KCNQ3: variants seen among roughly 807,000 people sequenced by gnomAD.
KCNQ3 encodes potassium voltage-gated channel subfamily KQT member 3.
Under a neutral mutation model 92.5 loss-of-function variants are expected in KCNQ3, and 30 were observed. The observed-to-expected ratio is 0.32, with a 90% CI of 0.24 to 0.44. The LOEUF (loss-of-function observed/expected upper bound fraction) is 0.44. Ranked by LOEUF, KCNQ3 falls within the 20% of genes least tolerant of loss-of-function variation. KCNQ3 has a pLI of 1.00. For synonymous variants in KCNQ3, 450 were observed against 468.8 expected, an observed-to-expected ratio of 0.96 and a Z score of 0.52; for missense variants, 913 against 1,140.3, an observed-to-expected ratio of 0.80 and a Z score of 2.87.
At chr8:132,401,883 G>A (rs1024836929) in intron 1 of KCNQ3, among the ~76,000 whole-genome samples, 1 of 152,208 alleles carries the variant, frequency 6.6e-6, no homozygotes, top group African/African-American at 2.4e-5. Flanking sequence ...GATTTGGCCA[G>A]TAGAACCTGA....
intron 1 of KCNQ3, among the ~76,000 whole-genome samples, chr8:132,320,751 G>A (rs1817872269): frequency 6.6e-6 from 1 of 152,062 alleles, no homozygotes; most frequent in South Asian, 2.1e-4. Flanking sequence ...AGGAAGGGCA[G>A]GCTTAACGAA....
chr8:132,425,098 A>G (rs978230551), intron 1 of KCNQ3, among the ~76,000 whole-genome samples: 1 of 152,084 alleles, frequency 6.6e-6, no homozygotes, highest in Non-Finnish European at 1.5e-5. Context: ...GTGGGTAAAG[A>G]CCCTCAGATC....
intron 9 of KCNQ3, among the ~76,000 whole-genome samples, chr8:132,141,702 T>C (rs371025410): frequency 1.8e-4 from 28 of 152,184 alleles, no homozygotes; most frequent in East Asian, 1.5e-3. Context: ...TATCATCCCA[T>C]GGTACCCAGA....
At chr8:132,149,806 T>C (rs1398076558) in intron 9 of KCNQ3, among the ~76,000 whole-genome samples, 1 of 152,116 alleles carries the variant, frequency 6.6e-6, no homozygotes, top group East Asian at 1.9e-4. Flanking sequence ...AGGGTAAGTA[T>C]GAGCCACAAC....
At chr8:132,270,505 C>G (rs964597712) in intron 1 of KCNQ3, among the ~76,000 whole-genome samples, 3 of 152,192 alleles carry the variant, frequency 2.0e-5, no homozygotes, top group Admixed American at 2.0e-4. Context: ...CCTCTTTGCG[C>G]CTCAGTACCT....
intron 1 of KCNQ3, among the ~76,000 whole-genome samples, chr8:132,294,976 T>C (rs934490394): frequency 9.9e-5 from 15 of 152,100 alleles, no homozygotes; most frequent in Admixed American, 9.8e-4. Context: ...ATTCAGGACA[T>C]AGGCACAGGC....
intron 1 of KCNQ3, among the ~76,000 whole-genome samples, chr8:132,241,348 A>AT (rs1171818713): frequency 6.6e-6 from 1 of 152,054 alleles, no homozygotes; most frequent in Non-Finnish European, 1.5e-5. Context: ...GATACCTTAT[A>AT]AAGGTGTTAT....
chr8:132,389,584 A>G (rs2597357), intron 1 of KCNQ3, among the ~76,000 whole-genome samples: 34,782 of 152,218 alleles, frequency 0.23, 4,312 homozygotes, highest in East Asian at 0.37. Context: ...TAAGGAAAAC[A>G]CAGGCAACCT....
intron 9 of KCNQ3, among the ~76,000 whole-genome samples, chr8:132,148,517 T>C (rs1035305651): frequency 2.0e-5 from 3 of 152,228 alleles, no homozygotes; most frequent in Non-Finnish European, 4.4e-5. Flanking sequence ...TCCTATCCTT[T>C]GTGTGATGGT....
intron 1 of KCNQ3, among the ~76,000 whole-genome samples, chr8:132,216,012 T>C (rs1216712917): frequency 1.3e-5 from 2 of 152,098 alleles, no homozygotes; most frequent in Non-Finnish European, 1.5e-5. Context: ...TAAATATAAA[T>C]GAGTCTGAGA....
At chr8:132,208,232 A>C (rs191912616) in intron 1 of KCNQ3, among the ~76,000 whole-genome samples, 3 of 152,196 alleles carry the variant, frequency 2.0e-5, no homozygotes, top group African/African-American at 7.2e-5. Context: ...GAAATCAATT[A>C]CACCAATTAC....
intron 1 of KCNQ3, among the ~76,000 whole-genome samples, chr8:132,226,186 G>C (rs1411710946): frequency 1.3e-5 from 2 of 151,928 alleles, no homozygotes; most frequent in Admixed American, 6.6e-5. Context: ...CAGCAGAATG[G>C]CGTGAACCTG....
At chr8:132,286,651 C>T (rs188869113) in intron 1 of KCNQ3, among the ~76,000 whole-genome samples, 21 of 152,176 alleles carry the variant, frequency 1.4e-4, no homozygotes, top group Admixed American at 5.2e-4. Context: ...GACTTTTGCA[C>T]GTGAGAAGGA....
intron 9 of KCNQ3, among the ~76,000 whole-genome samples, chr8:132,160,277 T>C (rs1478318931): frequency 6.6e-6 from 1 of 152,206 alleles, no homozygotes; most frequent in Non-Finnish European, 1.5e-5. Context: ...GCCACCTGTG[T>C]TGCAGGCAGA....
intron 1 of KCNQ3, among the ~76,000 whole-genome samples, chr8:132,331,816 T>C (rs1014635946): frequency 3.3e-5 from 5 of 152,234 alleles, no homozygotes; most frequent in African/African-American, 9.6e-5. Context: ...TTTATGGCAC[T>C]GAGAATCTGT....
rs1238217645 is a variant in KCNQ3, at chr8:132,349,696, C to T, written c.386+130451G>A. 2.0e-5 allele frequency among the ~76,000 whole-genome samples: 3 copies of T among 152,212 alleles called. No homozygotes were observed. In the South Asian group the frequency reaches 6.2e-4, roughly 32 times the overall value. On this transcript the variant is annotated intron_variant, in intron 1 of 14. Coordinates refer to ENST00000388996, the MANE Select transcript of KCNQ3 (RefSeq NM_004519.4). ...CCAGGAGACCTGCAGAGCAGACCTG[C>T]AGGTAGAAGAAAAGCCATCCAGCCA...
chr8:132,446,405 C>T (rs1181799781), intron 1 of KCNQ3, among the ~76,000 whole-genome samples: 2 of 152,198 alleles, frequency 1.3e-5, no homozygotes, highest in Admixed American at 1.3e-4. Flanking sequence ...AAAACATGAG[C>T]TTGGGAGACC....
intron 1 of KCNQ3, among the ~76,000 whole-genome samples, chr8:132,243,465 A>G (rs1156575567): frequency 6.6e-6 from 1 of 152,254 alleles, no homozygotes; most frequent in African/African-American, 2.4e-5. Context: ...GTTTGTGGTC[A>G]AAAAAGGAAG....
chr8:132,268,809 T>C (rs976525718), intron 1 of KCNQ3, among the ~76,000 whole-genome samples: 1 of 152,234 alleles, frequency 6.6e-6, no homozygotes, highest in Non-Finnish European at 1.5e-5. Flanking sequence ...ACTGTCAAAC[T>C]GTCTTCCACA....
Sources: gnomAD v4.1 joint callset for allele counts (sites outside exome capture counted in the v4.1 genomes callset) on GRCh38, gnomAD v4.1.1 for gene constraint, MANE v1.5 for transcripts, NCBI Gene and HGNC (gene_info 2026-07-23, HGNC 2026-07-21) for gene names.